The following ZSWIM6 variants were observed in gnomAD, a reference collection of about 807,000 sequenced individuals.
ZSWIM6 encodes the protein zinc finger SWIM-type containing 6, also known as zinc finger SWIM domain-containing protein 6.
A neutral mutation model predicts 113.2 loss-of-function variants in ZSWIM6; 9 were observed. The observed-to-expected ratio is 0.08, with a 90% CI of 0.05 to 0.14. The LOEUF is 0.14. ZSWIM6 is among the 10% of genes least tolerant of loss of function. The probability of loss-of-function intolerance (pLI) is 1.00; values close to 1 mark genes in which losing one functional copy is unlikely to be tolerated. For missense variants in ZSWIM6, 1,162 were observed against 1,552.2 expected, an observed-to-expected ratio of 0.75 and a Z score of 4.22; for synonymous variants, 611 against 606.5, an observed-to-expected ratio of 1.01 and a Z score of -0.11.
At chr5:61,399,474 C>T (rs1442060507) in intron 1 of ZSWIM6, among the ~76,000 whole-genome samples, 1 of 151,934 alleles carries the variant, frequency 6.6e-6, no homozygotes, top group Non-Finnish European at 1.5e-5. Flanking sequence ...TTGCCTTTTC[C>T]ACAATCTGTC....
At chr5:61,509,784 G>A (rs935772264) in intron 4 of ZSWIM6, among the ~76,000 whole-genome samples, 2 of 152,262 alleles carry the variant, frequency 1.3e-5, no homozygotes, top group Middle Eastern at 6.8e-3. Context: ...ATTACAAGTT[G>A]CAGAAGTATT....
chr5:61,364,113 C>T (rs1745103145), intron 1 of ZSWIM6, among the ~76,000 whole-genome samples: 1 of 151,642 alleles, frequency 6.6e-6, no homozygotes, highest in Admixed American at 6.6e-5. Context: ...GGCATGATCA[C>T]AGCTCACTGC....
chr5:61,332,324 C>A lies in ZSWIM6; in HGVS notation c.52C>A (p.Pro18Thr). 2 of 1,152,822 alleles carry A rather than the reference C, an allele frequency of 1.7e-6. No individual in the cohort carries two copies. Among genetic ancestry groups the A allele is most frequent in the Non-Finnish European group, 2.1e-6 (2 of 939,556 alleles). The allele number at this position is 1,152,822 out of a possible 1,614,324, so 71.4% of individuals were successfully genotyped here. ...TCCCGCGAAACGGCTTTGCTGCCGG[C>A]CGGGCGGCGGCGGCGGCGGCGGGGG... ...PPPAKRLCCR[P>T]GGGGGGGGSS... The change falls in exon 1 of 14, where the codon CCG (proline) becomes ACG (threonine). Residue 18 changes from proline to threonine, a missense_variant. By Grantham distance (38) the Pro-to-Thr change is conservative. Coordinates refer to ENST00000252744, the MANE Select transcript of ZSWIM6 (RefSeq NM_020928.2).
intron 4 of ZSWIM6, among the ~76,000 whole-genome samples, chr5:61,500,927 A>G (rs928848676): frequency 5.3e-5 from 8 of 151,978 alleles, no homozygotes; most frequent in Non-Finnish European, 7.4e-5. Flanking sequence ...TTTATCTCAT[A>G]TGGCTCTGTA....
Position 61,332,716 on chromosome 5 carries a change from C to A in ZSWIM6, c.444C>A (p.Gly148=). The change falls in exon 1 of 14, where the codon GGC becomes GGA. Residue 148 remains glycine (G), a synonymous_variant. Coordinates refer to ENST00000252744, the MANE Select transcript of ZSWIM6 (RefSeq NM_020928.2). ...GDDSGGGGGA[G]GGGGGGSSSS... is the part of the protein sequence containing the mutation. ...ACAGCGGTGGCGGCGGCGGCGCGGGCGGCGGCGGCGGCGGCGGCTCCTCGT... is the reference window on the plus strand; with the variant it reads ...ACAGCGGTGGCGGCGGCGGCGCGGGAGGCGGCGGCGGCGGCGGCTCCTCGT... 1.1e-6 allele frequency: 1 copy of A among 890,438 alleles called. No homozygotes were observed. The highest frequency in any genetic ancestry group is 1.3e-6 in the Non-Finnish European group (1 of 751,792). 55.2% of individuals were successfully genotyped at this position (890,438 alleles called of 1,614,324 possible).
At chr5:61,414,520 A>T (rs17337441) in intron 1 of ZSWIM6, among the ~76,000 whole-genome samples, 5,920 of 152,302 alleles carry the variant, frequency 0.039, 155 homozygotes, top group Non-Finnish European at 0.064. Flanking sequence ...ATTAGGGCAG[A>T]GGAAAAAAGA....
intron 3 of ZSWIM6, among the ~76,000 whole-genome samples, chr5:61,491,463 TA>T (rs1357546445): frequency 3.9e-5 from 6 of 152,064 alleles, no homozygotes; most frequent in Admixed American, 3.3e-4. Flanking sequence ...TTCAGAAAAT[TA>T]GCTAATAATA....
At chr5:61,486,321 G>T (rs748938899) in intron 2 of ZSWIM6, among the ~76,000 whole-genome samples, 2 of 151,980 alleles carry the variant, frequency 1.3e-5, no homozygotes, top group Non-Finnish European at 2.9e-5. Flanking sequence ...GTATTTCATT[G>T]TGTATCTGTA....
In ZSWIM6 at chr5:61,332,965, C is replaced by T. The variant is rs1170639359; in HGVS notation, c.676+17C>T. The T allele has an allele frequency of 5.5e-6, 7 of 1,268,004 alleles. No homozygotes were observed. Among genetic ancestry groups the T allele is most frequent in the South Asian group, 4.0e-5 (2 of 49,410 alleles). The allele number at this position is 1,268,004 out of a possible 1,614,324, so 78.5% of individuals were successfully genotyped here. On this transcript the variant is annotated intron_variant, in intron 1 of 13. Coordinates refer to ENST00000252744, the MANE Select transcript of ZSWIM6 (RefSeq NM_020928.2). ...TGCAAGTCGGTGAGTCACGGGGCAG[C>T]CGCGAGCCGTCTGTCCGTCCGTCAG...
chr5:61,506,654 A>G (rs891937968), intron 4 of ZSWIM6, among the ~76,000 whole-genome samples: 8 of 152,186 alleles, frequency 5.3e-5, no homozygotes, highest in African/African-American at 1.7e-4. Context: ...GAACAATACT[A>G]TAATTAGGGT....
At chr5:61,494,921 G>A (rs760305482) in intron 4 of ZSWIM6, among the ~76,000 whole-genome samples, 2 of 151,982 alleles carry the variant, frequency 1.3e-5, no homozygotes, top group Non-Finnish European at 2.9e-5. Flanking sequence ...AATTCCTGGT[G>A]GTTAAAGATA....
intron 1 of ZSWIM6, among the ~76,000 whole-genome samples, chr5:61,432,385 G>T (rs1746604282): frequency 6.6e-6 from 1 of 152,232 alleles, no homozygotes; most frequent in Non-Finnish European, 1.5e-5. Flanking sequence ...AACAGTAGAT[G>T]AGCAGAGTGA....
intron 1 of ZSWIM6, among the ~76,000 whole-genome samples, chr5:61,354,127 A>C (rs1744848663): frequency 6.6e-6 from 1 of 152,208 alleles, no homozygotes; most frequent in African/African-American, 2.4e-5. Flanking sequence ...GAATGTCTTC[A>C]TGCCTTCTTG....
At chr5:61,374,907 G>A (rs922536091) in intron 1 of ZSWIM6, among the ~76,000 whole-genome samples, 1 of 152,124 alleles carries the variant, frequency 6.6e-6, no homozygotes, top group African/African-American at 2.4e-5. Context: ...TAAATTGGAA[G>A]TAACTCCAGT....
At chr5:61,375,303 A>G in intron 1 of ZSWIM6, 1 of 1,609,062 alleles carries the variant, frequency 6.2e-7, no homozygotes, top group Non-Finnish European at 8.5e-7. Flanking sequence ...TTGAAGAAAA[A>G]ATGAATGAGA....
At chr5:61,363,375 T>C (rs912462615) in intron 1 of ZSWIM6, among the ~76,000 whole-genome samples, 14 of 152,342 alleles carry the variant, frequency 9.2e-5, no homozygotes, top group African/African-American at 3.4e-4. Context: ...TCTAGTGACA[T>C]ATAGAACCAG....
chr5:61,462,695 A>G (rs1339313991), intron 1 of ZSWIM6, among the ~76,000 whole-genome samples: 1 of 152,220 alleles, frequency 6.6e-6, no homozygotes, highest in Non-Finnish European at 1.5e-5. Context: ...TGGCATTTCT[A>G]TTACAATAAT....
At chr5:61,375,977 G>A in intron 1 of ZSWIM6, 1 of 576,624 alleles carries the variant, frequency 1.7e-6, no homozygotes, top group Non-Finnish European at 3.0e-6. Flanking sequence ...ATTATTCCTG[G>A]ACTATTCAGT....
chr5:61,408,661 A>C (rs1370810308), intron 1 of ZSWIM6, among the ~76,000 whole-genome samples: 1 of 152,218 alleles, frequency 6.6e-6, no homozygotes, highest in Non-Finnish European at 1.5e-5. Flanking sequence ...ATGCAGGTAA[A>C]GGAAGGGTTA....
Sources: gnomAD v4.1 joint callset for allele counts (sites outside exome capture counted in the v4.1 genomes callset) on GRCh38, gnomAD v4.1.1 for gene constraint, MANE v1.5 for transcripts, NCBI Gene and HGNC (gene_info 2026-07-23, HGNC 2026-07-21) for gene names.